MICU3: variants seen among roughly 807,000 people sequenced by gnomAD.
The protein encoded by MICU3 is mitochondrial calcium uptake 3.
MICU3 carries 62 observed loss-of-function variants against 66.5 expected under a neutral mutation model. The ratio of observed to expected loss-of-function variants is 0.93; its 90% CI spans 0.76 to 1.15. The LOEUF (loss-of-function observed/expected upper bound fraction) is 1.15, where lower values mean the gene tolerates loss of function less well. MICU3 is among the 50% of genes most tolerant of loss of function. MICU3 has a pLI of 0.00. For missense variants in MICU3, 779 were observed against 664.4 expected (o/e 1.17, Z -1.90); for synonymous variants, 308 against 240.7 (o/e 1.28, Z -2.59).
intron 2 of MICU3, among the ~76,000 whole-genome samples, chr8:17,069,402 T>C (rs879545740): frequency 2.0e-4 from 30 of 152,226 alleles, no homozygotes; most frequent in Admixed American, 1.1e-3. Flanking sequence ...ATGGAGAAAG[T>C]TAGCTTACTT....
intron 3 of MICU3, among the ~76,000 whole-genome samples, chr8:17,070,646 T>G (rs914510771): frequency 6.6e-6 from 1 of 150,610 alleles, no homozygotes; most frequent in Non-Finnish European, 1.5e-5. Context: ...ATGTTTTTTT[T>G]TTTTAAAAAA....
intron 1 of MICU3, among the ~76,000 whole-genome samples, chr8:17,046,490 C>A (rs983404855): frequency 6.6e-6 from 1 of 152,110 alleles, no homozygotes; most frequent in African/African-American, 2.4e-5. Flanking sequence ...TCATAAAAAT[C>A]TTTTAAATGT....
At position 17,083,937 on chromosome 8, in the gene MICU3, G is replaced by A. The variant is rs116701630; in HGVS notation, c.695-1299G>A. 5.2e-3 allele frequency among the ~76,000 whole-genome samples: 798 copies of A among 152,174 alleles called. 7 individuals are homozygous for A. The highest frequency in any genetic ancestry group is 0.018 in the African/African-American group (754 of 41,542). On this transcript the variant is annotated intron_variant, in intron 5 of 14. Transcript: ENST00000318063. ...TAGCCAATTGTTGAGATGGGACAGGGTATAGTTTAGGAGGGTCAGAAAAAA... is the reference window on the plus strand; with the variant it reads ...TAGCCAATTGTTGAGATGGGACAGGATATAGTTTAGGAGGGTCAGAAAAAA...
downstream of MICU3, chr8:17,122,723 A>T (rs985977122): frequency 1.3e-5 from 2 of 152,040 alleles, no homozygotes; most frequent in South Asian, 2.1e-4. Context: ...GGAAATCTTT[A>T]TGGGTTACTA....
At chr8:17,078,484 T>G (rs922816984) in intron 4 of MICU3, among the ~76,000 whole-genome samples, 1 of 152,140 alleles carries the variant, frequency 6.6e-6, no homozygotes, top group Non-Finnish European at 1.5e-5. Context: ...GGTACCTTTT[T>G]ACACATTTGT....
chr8:17,030,602 C>T (rs1158496216), intron 1 of MICU3, among the ~76,000 whole-genome samples: 3 of 152,172 alleles, frequency 2.0e-5, no homozygotes, highest in African/African-American at 7.2e-5. Flanking sequence ...TGCTGTTGAG[C>T]GTCTACAAAA....
At chr8:17,070,457 G>A (rs2150671955) in intron 3 of MICU3, among the ~76,000 whole-genome samples, 1 of 152,114 alleles carries the variant, frequency 6.6e-6, no homozygotes, top group Admixed American at 6.5e-5. Context: ...TCATACGTGG[G>A]AAAACAAAGG....
At chr8:17,076,737 A>G (rs993975403) in intron 3 of MICU3, among the ~76,000 whole-genome samples, 9 of 152,208 alleles carry the variant, frequency 5.9e-5, no homozygotes, top group African/African-American at 2.2e-4. Flanking sequence ...ATGTGTGTAA[A>G]AATTAGAAGA....
intron 12 of MICU3, among the ~76,000 whole-genome samples, chr8:17,114,840 C>G (rs1292762835): frequency 6.6e-6 from 1 of 151,956 alleles, no homozygotes; most frequent in African/African-American, 2.4e-5. Context: ...CCAGAGGAGG[C>G]CGGGCGCGGT....
intron 13 of MICU3, among the ~76,000 whole-genome samples, chr8:17,117,027 G>C (rs1802750135): frequency 1.3e-5 from 2 of 152,090 alleles, no homozygotes; most frequent in South Asian, 2.1e-4. Flanking sequence ...ACCCAAGCTA[G>C]AGTGCAGTGG....
intron 3 of MICU3, among the ~76,000 whole-genome samples, chr8:17,072,502 CA>C (rs1447068362): frequency 1.3e-5 from 2 of 150,960 alleles, no homozygotes; most frequent in African/African-American, 2.4e-5. Flanking sequence ...AAATTATTGG[CA>C]ATGTTTACTA....
At position 17,114,275 on chromosome 8, in the gene MICU3, A is replaced by G. The variant is rs147482350; in HGVS notation, c.1366+74A>G. 513 of 920,820 alleles carry G rather than the reference A, an allele frequency of 5.6e-4. 3 individuals are homozygous for G. In the African/African-American group the frequency reaches 7.2e-3, roughly 13 times the overall value. The allele number at this position is 920,820 out of a possible 1,614,324, so 57.0% of individuals were successfully genotyped here. A position where few individuals can be genotyped will look rare whatever the true frequency, so the allele number is the denominator to read the frequency against. On this transcript the variant is annotated intron_variant, in intron 12 of 14. Coordinates refer to ENST00000318063, the MANE Select transcript of MICU3 (RefSeq NM_181723.3). ...TTTCTATAGATTTTGGCAACCAATT[A>G]ATTAAATATGACATATCACCCATCA...
intron 1 of MICU3, among the ~76,000 whole-genome samples, chr8:17,031,559 T>TA (rs1812075415): frequency 6.6e-6 from 1 of 152,010 alleles, no homozygotes; most frequent in Non-Finnish European, 1.5e-5. Context: ...GTGCTGGGAA[T>TA]ACAGTCGTGA....
intron 1 of MICU3, chr8:17,049,694 G>A: frequency 2.0e-6 from 1 of 506,896 alleles, no homozygotes; most frequent in South Asian, 1.5e-5. Context: ...ACACTGGGTT[G>A]TGTGTTGTAA....
intron 3 of MICU3, among the ~76,000 whole-genome samples, chr8:17,073,140 C>T (rs1345115937): frequency 6.6e-6 from 1 of 152,230 alleles, no homozygotes. Flanking sequence ...TTTGGCAATA[C>T]CTAATAATGT....
intron 1 of MICU3, among the ~76,000 whole-genome samples, chr8:17,046,239 C>T (rs547113209): frequency 6.6e-6 from 1 of 152,132 alleles, no homozygotes; most frequent in Non-Finnish European, 1.5e-5. Flanking sequence ...GGATCTAGCA[C>T]TATCTCCAGG....
chr8:17,115,032 T>C (rs1484698244), intron 12 of MICU3, among the ~76,000 whole-genome samples: 1 of 147,280 alleles, frequency 6.8e-6, no homozygotes, highest in Non-Finnish European at 1.5e-5. Context: ...GGCAGGAGAA[T>C]GGCGTGAACC....
downstream of MICU3, among the ~76,000 whole-genome samples, chr8:17,125,123 C>T (rs184832575): frequency 1.0e-3 from 153 of 152,120 alleles, no homozygotes; most frequent in African/African-American, 3.4e-3. Flanking sequence ...AATGAATCTC[C>T]TATGAGTATA....
At chr8:17,115,510 A>G (rs1802600701) in intron 12 of MICU3, among the ~76,000 whole-genome samples, 1 of 152,134 alleles carries the variant, frequency 6.6e-6, no homozygotes, top group Non-Finnish European at 1.5e-5. Flanking sequence ...AAAAAAATTG[A>G]TGGTGTCACC....
Sources: allele counts gnomAD v4.1 joint callset (sites outside exome capture counted in the v4.1 genomes callset), GRCh38; gene constraint gnomAD v4.1.1; transcripts MANE v1.5; gene names NCBI Gene and HGNC (gene_info 2026-07-23, HGNC 2026-07-21).